Variants in CTNNBIP1 observed in about 807,000 individuals in gnomAD.
The protein encoded by CTNNBIP1 is catenin beta interacting protein 1, also known as beta-catenin-interacting protein 1.
Under a neutral mutation model 11.8 loss-of-function variants are expected in CTNNBIP1, and 7 were observed. The observed-to-expected ratio is 0.60, with a 90% confidence interval of 0.34 to 1.12. CTNNBIP1 has a LOEUF of 1.12. Ranked by LOEUF, CTNNBIP1 falls within the 50% of genes most tolerant of loss-of-function variation. CTNNBIP1 has a pLI of 0.03. For missense variants in CTNNBIP1, 101 were observed against 113.4 expected, an observed-to-expected ratio of 0.89 and a Z score of 0.50; for synonymous variants, 58 against 43.9, an observed-to-expected ratio of 1.32 and a Z score of -1.26.
chr1:9,875,321 C>T (rs962550004), intron 3 of CTNNBIP1, among the ~76,000 whole-genome samples: 4 of 152,240 alleles, frequency 2.6e-5, no homozygotes, highest in Admixed American at 6.5e-5. Context: ...ACCCAGGAGC[C>T]AGTGGTCCAG....
chr1:9,860,471 G>A (rs1293999423), intron 5 of CTNNBIP1, among the ~76,000 whole-genome samples: 10 of 147,912 alleles, frequency 6.8e-5, no homozygotes, highest in African/African-American at 2.0e-4. Context: ...TTAGCTGGGC[G>A]TAGTGGCATA....
Position 9,861,369 on chromosome 1 carries a change from G to A in CTNNBIP1, c.187+9818C>T, listed in dbSNP as rs149313388. On this transcript the variant is annotated intron_variant, in intron 5 of 5. Transcript: ENST00000377263. ...CCTCCCACACAAACCAAGACCTGCTGGTGGCATGTGCTATTTTCAGCAGCT... is the reference window on the plus strand; with the variant it reads ...CCTCCCACACAAACCAAGACCTGCTAGTGGCATGTGCTATTTTCAGCAGCT... 3.9e-5 allele frequency among the ~76,000 whole-genome samples: 6 copies of A among 152,324 alleles called. No homozygotes were observed. In the East Asian group the frequency reaches 1.2e-3, roughly 29 times the overall value.
rs1193848843 is a variant in CTNNBIP1, at chr1:9,867,259, C to A, written c.187+3928G>T. On this transcript the variant is annotated intron_variant, in intron 5 of 5. Coordinates refer to ENST00000377263, the MANE Select transcript of CTNNBIP1 (RefSeq NM_020248.3). The surrounding 1 kb of genome is among the most constrained non-coding windows in gnomAD (Gnocchi z 4.6). ...CAGCAGAGGCCAGGCAGGCTGGGAA[C>A]TGGGGGGCCACTGGGGCCTCTGCTG... is the stretch of plus-strand genomic sequence containing the variant. 1.3e-5 allele frequency among the ~76,000 whole-genome samples: 2 copies of A among 152,118 alleles called. No individual in the cohort carries two copies. The highest frequency in any genetic ancestry group is 2.9e-5 in the Non-Finnish European group (2 of 68,026).
chr1:9,851,343 TTC>T lies in CTNNBIP1; in HGVS notation c.188-569_188-568del, dbSNP rs1008179276. On this transcript the variant is annotated intron_variant, in intron 5 of 5. Transcript: ENST00000377263. This position sits in a 1 kb window ranked among gnomAD's most constrained non-coding sequence, Gnocchi z 4.8. ...ACTGAGACAGATATGCCCACAATCC[TTC>T]TTTTTCTTTTTCTTTTTCCTTTTTC... Among the ~76,000 whole-genome samples, 2 of 151,828 alleles carry T rather than the reference TTC, an allele frequency of 1.3e-5. No individual in the cohort carries two copies. Among genetic ancestry groups the T allele is most frequent in the African/African-American group, 4.9e-5 (2 of 41,138 alleles).
At position 9,872,092 on chromosome 1, in the gene CTNNBIP1, C is replaced by T. The variant is rs750525908; in HGVS notation, c.-24-4G>A. 2.6e-5 allele frequency: 40 copies of T among 1,538,614 alleles called. 1 individual carries two copies. The highest frequency in any genetic ancestry group is 3.4e-5 in the Non-Finnish European group (38 of 1,111,402). ...CCCTGCCTGGCTCTGGGGACTCCTG[C>T]AGAGCAAGCAACAGCATCAAAAGGG... On this transcript the variant is annotated splice_polypyrimidine_tract_variant and splice_region_variant and intron_variant, in intron 3 of 5. Transcript: ENST00000377263. This position sits in a 1 kb window ranked among gnomAD's most constrained non-coding sequence, Gnocchi z 4.0.
At chr1:9,865,831 T>C (rs1488186794) in intron 5 of CTNNBIP1, among the ~76,000 whole-genome samples, 1 of 152,056 alleles carries the variant, frequency 6.6e-6, no homozygotes, top group Non-Finnish European at 1.5e-5. Context: ...ATTCTATAAC[T>C]GGGAAAAAAA....
In CTNNBIP1 at chr1:9,871,297, TG is replaced by T. The variant is rs762739497; in HGVS notation, c.97-21del. The T allele has an allele frequency of 5.8e-6, 9 of 1,540,970 alleles. No homozygotes were observed. The East Asian group carries it at 2.1e-4, about 37-fold the overall frequency. Reference sequence around the variant, plus strand: ...TGTCAGCTGCAGGGTGAGAGAGCTGTGGTGAGGGGCAGCATGCACCTGTTCC... The same window carrying T: ...TGTCAGCTGCAGGGTGAGAGAGCTGTGTGAGGGGCAGCATGCACCTGTTCC... On this transcript the variant is annotated intron_variant, in intron 4 of 5. Coordinates refer to ENST00000377263, the MANE Select transcript of CTNNBIP1 (RefSeq NM_020248.3). The surrounding 1 kb of genome is among the most constrained non-coding windows in gnomAD (Gnocchi z 5.2).
chr1:9,853,312 G>A (rs188897925), intron 5 of CTNNBIP1, among the ~76,000 whole-genome samples: 12 of 152,352 alleles, frequency 7.9e-5, no homozygotes, highest in African/African-American at 2.4e-4. Flanking sequence ...CCTTGTCACT[G>A]GTTGGCCAGG....
chr1:9,891,307 G>A (rs1639295350), intron 1 of CTNNBIP1, among the ~76,000 whole-genome samples: 1 of 152,066 alleles, frequency 6.6e-6, no homozygotes, highest in South Asian at 2.1e-4. Context: ...TTGCCTGAGG[G>A]TCACCCAGAT....
chr1:9,873,868 T>G (rs1638913407), intron 3 of CTNNBIP1, among the ~76,000 whole-genome samples: 1 of 152,064 alleles, frequency 6.6e-6, no homozygotes, highest in Non-Finnish European at 1.5e-5. Flanking sequence ...CTGAGTAAGC[T>G]AGGGCCACAG....
rs72633900 is a variant in CTNNBIP1, at chr1:9,850,300, T to C, written c.*418A>G. On this transcript the variant is annotated 3_prime_UTR_variant, in exon 6 of 6. Transcript: ENST00000377263. ...TTCCCATTAACCAGCCAATCACAGA[T>C]CCTTTCCAGTTTAAGCAGCCAATCA... 48,245 of 159,588 alleles carry C rather than the reference T, an allele frequency of 0.3. 10,198 individuals are homozygous for C. The highest frequency in any genetic ancestry group is 0.62 in the African/African-American group (25,523 of 41,280). The allele number at this position is 159,588 out of a possible 1,614,324, so 9.9% of individuals were successfully genotyped here.
intron 5 of CTNNBIP1, among the ~76,000 whole-genome samples, chr1:9,865,884 C>A (rs893170656): frequency 6.6e-6 from 1 of 152,112 alleles, no homozygotes; most frequent in Non-Finnish European, 1.5e-5. Flanking sequence ...TGAGAGAAGC[C>A]TGGACTCAGC....
At position 9,887,880 on chromosome 1, in the gene CTNNBIP1, A is replaced by G. The variant is rs528224909; in HGVS notation, c.-143-4142T>C. The stretch of plus-strand genomic sequence containing the variant: ...CACACCGTCACCCAGGCTGGAGTGC[A>G]GTGGTGCGATCTCAGCTCACTGCAA... On this transcript the variant is annotated intron_variant, in intron 1 of 5. Coordinates refer to ENST00000377263, the MANE Select transcript of CTNNBIP1 (RefSeq NM_020248.3). Among the ~76,000 whole-genome samples the G allele has an allele frequency of 3.1e-4, 46 of 150,426 alleles. No individual in the cohort carries two copies. In the East Asian group the frequency reaches 7.9e-3, roughly 26 times the overall value.
chr1:9,875,750 C>T (rs1271216295), intron 3 of CTNNBIP1, among the ~76,000 whole-genome samples: 1 of 152,260 alleles, frequency 6.6e-6, no homozygotes, highest in African/African-American at 2.4e-5. Context: ...AGAGGGCACA[C>T]TCAGGGCTGG....
chr1:9,879,433 A>T (rs1042962198), intron 2 of CTNNBIP1, among the ~76,000 whole-genome samples: 1 of 152,118 alleles, frequency 6.6e-6, no homozygotes, highest in East Asian at 1.9e-4. Flanking sequence ...TTCCAGAGAA[A>T]GCGGGATTTC....
intron 1 of CTNNBIP1, among the ~76,000 whole-genome samples, chr1:9,901,838 C>T (rs548328651): frequency 3.3e-5 from 5 of 152,298 alleles, no homozygotes; most frequent in East Asian, 1.9e-4. Flanking sequence ...TGATTAGCAC[C>T]GGGAGTGCCA....
rs1310119371 is a variant in CTNNBIP1, at chr1:9,871,930, C to T, written c.96+39G>A. ...GCAGGGCCCCTCCCTGGGAGACCCT[C>T]CCTGGGGGCCCGCTGCCTGACACCC... is the stretch of plus-strand genomic sequence containing the variant. On this transcript the variant is annotated intron_variant, in intron 4 of 5. Transcript: ENST00000377263. This position sits in a 1 kb window ranked among gnomAD's most constrained non-coding sequence, Gnocchi z 5.2. The T allele has an allele frequency of 5.1e-6, 8 of 1,572,164 alleles. No individual in the cohort carries two copies. The highest frequency in any genetic ancestry group is 5.0e-5 in the Admixed American group (3 of 59,900).
intron 3 of CTNNBIP1, among the ~76,000 whole-genome samples, chr1:9,876,235 C>T (rs1013373502): frequency 1.3e-5 from 2 of 152,114 alleles, no homozygotes; most frequent in Non-Finnish European, 2.9e-5. Context: ...AACATTCCAG[C>T]GTCTAAAATG....
At chr1:9,890,205 G>A (rs1639273863) in intron 1 of CTNNBIP1, among the ~76,000 whole-genome samples, 1 of 152,090 alleles carries the variant, frequency 6.6e-6, no homozygotes, top group Non-Finnish European at 1.5e-5. Context: ...TGGCAGGCCT[G>A]CTCTGACAGC....
Sources: gnomAD v4.1 joint callset for allele counts (sites outside exome capture counted in the v4.1 genomes callset) on GRCh38, gnomAD v4.1.1 for gene constraint, Gnocchi (gnomAD v3.1) non-coding constraint, MANE v1.5 for transcripts, NCBI Gene and HGNC (gene_info 2026-07-23, HGNC 2026-07-21) for gene names.